ATP7A: variants seen among roughly 807,000 people sequenced by gnomAD.
The protein encoded by ATP7A is ATPase copper transporting alpha, also known as copper-transporting ATPase 1.
Under a neutral mutation model 83.5 loss-of-function variants are expected in ATP7A, and 7 were observed. The observed-to-expected ratio is 0.08, with a 90% CI of 0.05 to 0.16. ATP7A has a LOEUF of 0.16. ATP7A is among the 10% of genes least tolerant of loss of function. ATP7A has a pLI of 1.00. For synonymous variants in ATP7A, 354 were observed against 395.2 expected (o/e 0.90, Z 1.24); for missense variants, 940 against 1,120.8 (o/e 0.84, Z 2.30).
chrX:77,973,184 T>C (rs2077558416), intron 2 of ATP7A, among the ~76,000 whole-genome samples: 1 of 111,870 alleles, frequency 8.9e-6, no homozygotes, highest in East Asian at 2.8e-4. Context: ...GAAAAGCACA[T>C]GAAATTCAAA....
intron 18 of ATP7A, among the ~76,000 whole-genome samples, chrX:78,039,305 T>A (rs1485500232): frequency 9.0e-6 from 1 of 111,398 alleles, no homozygotes; most frequent in African/African-American, 3.3e-5. Flanking sequence ...CAGGTTTTTT[T>A]TGTTTGTTTC....
At position 78,020,141 on chromosome X, in the gene ATP7A, A is replaced by G. The variant is rs1271001044; in HGVS notation, c.2627-103A>G. The G allele has an allele frequency of 1.2e-5, 12 of 989,035 alleles. No homozygotes were observed. In the Admixed American group the frequency reaches 2.7e-4, roughly 23 times the overall value. The allele number at this position is 989,035 out of a possible 1,213,427, so 81.5% of individuals were successfully genotyped here. A position where few individuals can be genotyped will look rare whatever the true frequency, so the allele number is the denominator to read the frequency against. On this transcript the variant is annotated intron_variant, in intron 12 of 22. Transcript: ENST00000341514. ...AACTTTCACCTAGGCATTTGTTCAG[A>G]TTCTATTTTATATCTAGATATTTTT...
At chrX:77,932,217 C>T (rs1402533878) in intron 1 of ATP7A, among the ~76,000 whole-genome samples, 9 of 100,565 alleles carry the variant, frequency 8.9e-5, no homozygotes, top group East Asian at 3.4e-4. Flanking sequence ...CGCTCCTCAC[C>T]TCCCAGACGG....
chrX:77,991,394 G>C (rs1473856587), intron 4 of ATP7A, among the ~76,000 whole-genome samples: 2 of 112,052 alleles, frequency 1.8e-5, no homozygotes, highest in African/African-American at 3.2e-5. Context: ...GTATGTATTA[G>C]AACATCATTC....
intron 4 of ATP7A, among the ~76,000 whole-genome samples, chrX:77,992,210 G>T (rs782621394): frequency 9.2e-6 from 1 of 108,665 alleles, no homozygotes; most frequent in Non-Finnish European, 1.9e-5. Context: ...GATTACAGGC[G>T]CCTGACACCA....
At chrX:78,012,379 T>C (rs1297591866) in intron 9 of ATP7A, among the ~76,000 whole-genome samples, 1 of 110,499 alleles carries the variant, frequency 9.0e-6, no homozygotes, top group Non-Finnish European at 1.9e-5. Flanking sequence ...TTAGTTTGAG[T>C]TTTGGAAAGA....
chrX:77,983,817 T>A (rs2077618527), intron 2 of ATP7A, among the ~76,000 whole-genome samples: 1 of 110,523 alleles, frequency 9.0e-6, no homozygotes, highest in African/African-American at 3.3e-5. Flanking sequence ...CTTGAGTAGC[T>A]GGGATTACAG....
chrX:78,042,330 A>G (rs2078054925), intron 19 of ATP7A, among the ~76,000 whole-genome samples: 1 of 110,932 alleles, frequency 9.0e-6, no homozygotes, highest in East Asian at 2.8e-4. Flanking sequence ...AGAGCTAGAC[A>G]TGGAATTGCT....
At chrX:77,941,200 A>G (rs886413741) in intron 1 of ATP7A, among the ~76,000 whole-genome samples, 7 of 111,491 alleles carry the variant, frequency 6.3e-5, no homozygotes, top group Non-Finnish European at 9.4e-5. Context: ...TGTATATACA[A>G]GGATATTCAT....
intron 1 of ATP7A, among the ~76,000 whole-genome samples, chrX:77,929,713 C>T (rs1216109784): frequency 9.2e-6 from 1 of 108,146 alleles, no homozygotes; most frequent in African/African-American, 3.4e-5. Flanking sequence ...AGCAATCCTC[C>T]CGCTTTGGCC....
At chrX:77,971,818 A>G (rs2077549111) in intron 2 of ATP7A, 57 bp downstream of exon 2, 2 of 1,160,320 alleles carry the variant, frequency 1.7e-6, no homozygotes, top group Non-Finnish European at 2.4e-6. Flanking sequence ...TCTACTAGAA[A>G]TTACTTCTAA....
At chrX:77,932,394 G>A (rs1199500041) in intron 1 of ATP7A, among the ~76,000 whole-genome samples, 32 of 107,489 alleles carry the variant, frequency 3.0e-4, no homozygotes, top group African/African-American at 1.0e-3. Context: ...GATGGCGGCC[G>A]GGCAGAGACG....
In ATP7A at chrX:77,965,793, G is replaced by C. The variant is rs782390903; in HGVS notation, c.-21-5828G>C. Reference sequence around the variant, plus strand: ...TAAATTATGGTGTATCTATGCAGTGGAATATTATTCAGCCATAAAAGGGAA... The same window carrying C: ...TAAATTATGGTGTATCTATGCAGTGCAATATTATTCAGCCATAAAAGGGAA... On this transcript the variant is annotated intron_variant, in intron 1 of 22. Coordinates refer to ENST00000341514, the MANE Select transcript of ATP7A (RefSeq NM_000052.7). 5.3e-5 allele frequency among the ~76,000 whole-genome samples: 6 copies of C among 112,198 alleles called. No homozygotes were observed. The South Asian group carries it at 1.5e-3, about 27-fold the overall frequency.
intron 22 of ATP7A, among the ~76,000 whole-genome samples, chrX:78,045,995 G>A (rs1557239058): frequency 8.9e-6 from 1 of 111,850 alleles, no homozygotes; most frequent in African/African-American, 3.2e-5. Flanking sequence ...AAAAAGAAAA[G>A]AATTATTATT....
At chrX:77,998,303 T>C (rs1248984792) in intron 4 of ATP7A, among the ~76,000 whole-genome samples, 175 bp from the exon 5 acceptor site, 2 of 111,811 alleles carry the variant, frequency 1.8e-5, no homozygotes, top group Non-Finnish European at 3.8e-5. Context: ...GTATTGAAAT[T>C]GGAAGTCACT....
At chrX:77,971,489 A>T (rs374368574) in intron 1 of ATP7A, 132 bp from the exon 2 acceptor site, 5 of 654,650 alleles carry the variant, frequency 7.6e-6, no homozygotes, top group East Asian at 6.6e-5. Context: ...TATTACTAGC[A>T]CATTTTAATT....
chrX:77,973,194 A>AT (rs2077558484), intron 2 of ATP7A, among the ~76,000 whole-genome samples: 1 of 111,842 alleles, frequency 8.9e-6, no homozygotes, highest in African/African-American at 3.2e-5. Flanking sequence ...TGAAATTCAA[A>AT]TTTTTGTGTC....
rs782458722 is a variant in ATP7A at position 77,989,233 on chromosome X, T to C, written c.611T>C (p.Val204Ala). Reference sequence around the variant, plus strand: ...AATTATATTTCTTTTTATTAACTAGTCTCCCTGGACAATCAAGAAGCTACT... The same window carrying C: ...AATTATATTTCTTTTTATTAACTAGCCTCCCTGGACAATCAAGAAGCTACT... ...GKLQGVQRIKVSLDNQEATIV... is the reference protein window; with the variant it reads ...GKLQGVQRIKASLDNQEATIV... The change falls in exon 4 of 23, where the codon GTC becomes GCC. Residue 204 changes from valine (V) to alanine (A), a missense_variant and splice_region_variant. Coordinates refer to ENST00000341514, the MANE Select transcript of ATP7A (RefSeq NM_000052.7). 5.0e-6 allele frequency: 6 copies of C among 1,200,216 alleles called. No homozygotes were observed. The East Asian group carries it at 1.5e-4, about 30-fold the overall frequency.
intron 15 of ATP7A, among the ~76,000 whole-genome samples, chrX:78,030,244 TG>T (rs1313415666): frequency 1.8e-4 from 20 of 111,133 alleles, no homozygotes; most frequent in Admixed American, 1.9e-4. Context: ...ACCAACATGG[TG>T]AAACCCCGTC....
Sources: gnomAD v4.1 joint callset for allele counts (sites outside exome capture counted in the v4.1 genomes callset) on GRCh38, gnomAD v4.1.1 for gene constraint, MANE v1.5 for transcripts, NCBI Gene and HGNC (gene_info 2026-07-23, HGNC 2026-07-21) for gene names.